The following BRAF variants were observed in gnomAD, a reference collection of about 807,000 sequenced individuals.
BRAF encodes the protein B-Raf proto-oncogene, serine/threonine kinase.
Under a neutral mutation model 104.6 loss-of-function variants are expected in BRAF, and 16 were observed. The ratio of observed to expected loss-of-function variants is 0.15; its 90% CI spans 0.10 to 0.23. The LOEUF is 0.23. Ranked by LOEUF, BRAF falls within the 10% of genes least tolerant of loss-of-function variation. The pLI, the probability that BRAF is intolerant of heterozygous loss-of-function variation, is 1.00. For missense variants in BRAF, 541 were observed against 937.3 expected (o/e 0.58, Z 5.52); for synonymous variants, 310 against 341.6 (o/e 0.91, Z 1.02).
At chr7:140,888,557 G>T (rs377185958) in intron 1 of BRAF, among the ~76,000 whole-genome samples, 12 of 152,020 alleles carry the variant, frequency 7.9e-5, no homozygotes, top group Non-Finnish European at 1.6e-4. Context: ...ATGATCTAGC[G>T]CGGGTGCAGT....
intron 14 of BRAF, among the ~76,000 whole-genome samples, chr7:140,768,043 T>C (rs1435312696): frequency 6.6e-6 from 1 of 152,150 alleles, no homozygotes; most frequent in Non-Finnish European, 1.5e-5. Flanking sequence ...CCAGTAGAGA[T>C]ATTTAAGAGT....
At chr7:140,717,406 G>T (rs1186225880), downstream of BRAF, among the ~76,000 whole-genome samples, 1 of 152,072 alleles carries the variant, frequency 6.6e-6, no homozygotes, top group Non-Finnish European at 1.5e-5. Flanking sequence ...CCTCAGCTGG[G>T]ATCACAGGTG....
chr7:140,801,635 T>C lies in BRAF; in HGVS notation c.712-75A>G, dbSNP rs1490568526. ...CTAGAAACTGACGTATCTACTCTCT[T>C]GTTTAAAATAACAAAGTTGTAATAT... On this transcript the variant is annotated intron_variant, in intron 5 of 19. Coordinates refer to ENST00000644969, the MANE Select transcript of BRAF (RefSeq NM_001374258.1). 23 of 1,433,430 alleles carry C rather than the reference T, an allele frequency of 1.6e-5. No individual in the cohort carries two copies. The East Asian group carries it at 4.7e-4, about 29-fold the overall frequency. 88.8% of individuals were successfully genotyped at this position (1,433,430 alleles called of 1,614,324 possible).
intron 1 of BRAF, among the ~76,000 whole-genome samples, chr7:140,884,939 C>G (rs1482102684): frequency 6.6e-6 from 1 of 151,986 alleles, no homozygotes; most frequent in African/African-American, 2.4e-5. Context: ...TCCAAAACAA[C>G]AAAAAACAAT....
chr7:140,805,182 C>T (rs768635177), intron 5 of BRAF, among the ~76,000 whole-genome samples: 1 of 152,178 alleles, frequency 6.6e-6, no homozygotes, highest in Non-Finnish European at 1.5e-5. Context: ...AAGAAAATTA[C>T]ATCCTGATAT....
At position 140,734,786 on chromosome 7, in the gene BRAF, G is replaced by GAAAAAAAAAAAAAAAAAAAAAA. The variant is rs370332827; in HGVS notation, c.2248-17_2248-16insTTTTTTTTTTTTTTTTTTTTTT. 2.7e-5 allele frequency: 22 copies of GAAAAAAAAAAAAAAAAAAAAAA among 823,176 alleles called. No individual in the cohort carries two copies. The highest frequency in any genetic ancestry group is 1.8e-4 in the East Asian group (4 of 22,394). 51.0% of individuals were successfully genotyped at this position (823,176 alleles called of 1,614,324 possible). ...AGGCGAGAATCTACAAAAAAAAAAAGAAAAAAAAAAGAAAAAAAAAGAAAA... is the reference window on the plus strand; with the variant it reads ...AGGCGAGAATCTACAAAAAAAAAAAGAAAAAAAAAAAAAAAAAAAAAAAAAAAAAAAAGAAAAAAAAAGAAAA... On this transcript the variant is annotated splice_polypyrimidine_tract_variant and intron_variant, in intron 18 of 19. Coordinates refer to ENST00000644969, the MANE Select transcript of BRAF (RefSeq NM_001374258.1).
chr7:140,753,035 C>T (rs1208734610), intron 16 of BRAF, among the ~76,000 whole-genome samples: 1 of 150,090 alleles, frequency 6.7e-6, no homozygotes, highest in Admixed American at 6.6e-5. Context: ...AAATATGAAA[C>T]ACTGTTTATA....
intron 17 of BRAF, among the ~76,000 whole-genome samples, chr7:140,748,555 TATATTAAC>T (rs1407878635): frequency 1.5e-4 from 23 of 152,184 alleles, no homozygotes; most frequent in African/African-American, 5.3e-4. Context: ...TGTTTTCTAA[TATATTAAC>T]AGTGTAACTG....
intron 14 of BRAF, among the ~76,000 whole-genome samples, chr7:140,771,825 G>A (rs1799870512): frequency 6.6e-6 from 1 of 152,152 alleles, no homozygotes; most frequent in Admixed American, 6.6e-5. Flanking sequence ...GTAAGATGGT[G>A]GCTGTGATGG....
At chr7:140,789,117 G>A (rs1019240724) in intron 8 of BRAF, among the ~76,000 whole-genome samples, 1 of 151,844 alleles carries the variant, frequency 6.6e-6, no homozygotes, top group Admixed American at 6.6e-5. Flanking sequence ...GCTGAGGCAG[G>A]AGAATTGCTT....
chr7:140,761,707 G>A (rs200347409), intron 14 of BRAF, among the ~76,000 whole-genome samples: 20 of 152,046 alleles, frequency 1.3e-4, no homozygotes, highest in African/African-American at 3.4e-4. Context: ...TACCAAGCAA[G>A]TGGAAAACAA....
At chr7:140,852,999 A>G (rs1049553930) in intron 1 of BRAF, among the ~76,000 whole-genome samples, 1 of 152,112 alleles carries the variant, frequency 6.6e-6, no homozygotes, top group African/African-American at 2.4e-5. Flanking sequence ...CACCTTCTCT[A>G]ACTTTACCAC....
chr7:140,787,586 T>C lies in BRAF; in HGVS notation c.1141-2A>G, dbSNP rs776683449. ...AAATCCTTGGTCTCTAATCAAGTCCTACAAATAAATAGTAATGTATATTTA... is the reference window on the plus strand; with the variant it reads ...AAATCCTTGGTCTCTAATCAAGTCCCACAAATAAATAGTAATGTATATTTA... On this transcript the variant is annotated splice_acceptor_variant, in intron 8 of 19. Coordinates refer to ENST00000644969, the MANE Select transcript of BRAF (RefSeq NM_001374258.1). LOFTEE classifies it high-confidence loss of function. 6.2e-7 allele frequency: 1 copy of C among 1,610,160 alleles called. No homozygotes were observed. The highest frequency in any genetic ancestry group is 8.5e-7 in the Non-Finnish European group (1 of 1,176,632).
chr7:140,772,403 C>T (rs371600036), intron 14 of BRAF, among the ~76,000 whole-genome samples: 6 of 152,238 alleles, frequency 3.9e-5, no homozygotes, highest in Admixed American at 2.6e-4. Context: ...CAGTGGCTCG[C>T]TTGAGCCCAG....
At chr7:140,816,392 C>T (rs1258506718) in intron 3 of BRAF, among the ~76,000 whole-genome samples, 1 of 152,182 alleles carries the variant, frequency 6.6e-6, no homozygotes, top group African/African-American at 2.4e-5. Flanking sequence ...CCTTTACTTT[C>T]GACCTATTCC....
chr7:140,721,711 G>T lies in BRAF; in HGVS notation c.*4783C>A. On this transcript the variant is annotated 3_prime_UTR_variant, in exon 20 of 20. Transcript: ENST00000644969. Reference sequence around the variant, plus strand: ...AGTATAACATTTCAAGGATGTGCTGGAGACAATACATGGACTTTCTCTTTC... The same window carrying T: ...AGTATAACATTTCAAGGATGTGCTGTAGACAATACATGGACTTTCTCTTTC... The T allele has an allele frequency of 6.5e-7, 1 of 1,527,956 alleles. No homozygotes were observed. The highest frequency in any genetic ancestry group is 8.7e-7 in the Non-Finnish European group (1 of 1,143,680). The allele number at this position is 1,527,956 out of a possible 1,614,324, so 94.6% of individuals were successfully genotyped here. A position where few individuals can be genotyped will look rare whatever the true frequency, so the allele number is the denominator to read the frequency against.
chr7:140,837,377 C>T (rs1807456907), intron 2 of BRAF, among the ~76,000 whole-genome samples: 1 of 152,192 alleles, frequency 6.6e-6, no homozygotes, highest in African/African-American at 2.4e-5. Flanking sequence ...TATCTCATTA[C>T]ATTAATCTGT....
chr7:140,877,298 G>GGT (rs1554419342), intron 1 of BRAF, among the ~76,000 whole-genome samples: 3 of 111,998 alleles, frequency 2.7e-5, no homozygotes, highest in African/African-American at 9.7e-5. Flanking sequence ...AGAGATGGGG[G>GGT]GGGGGGTGGG....
At chr7:140,847,635 C>A (rs1411346088) in intron 2 of BRAF, among the ~76,000 whole-genome samples, 1 of 151,588 alleles carries the variant, frequency 6.6e-6, no homozygotes, top group Non-Finnish European at 1.5e-5. Flanking sequence ...TAGAGCAGTA[C>A]AAGATAAATC....
Sources: gnomAD v4.1 joint callset for allele counts (sites outside exome capture counted in the v4.1 genomes callset) on GRCh38, gnomAD v4.1.1 for gene constraint, MANE v1.5 for transcripts, NCBI Gene and HGNC (gene_info 2026-07-23, HGNC 2026-07-21) for gene names.